The following FANCC variants were observed in gnomAD, a reference collection of about 807,000 sequenced individuals.
FANCC encodes Fanconi anemia group C protein.
FANCC carries 55 observed loss-of-function variants against 71.3 expected under a neutral mutation model. The observed-to-expected ratio is 0.77, with a 90% confidence interval of 0.62 to 0.97. The LOEUF (loss-of-function observed/expected upper bound fraction) is 0.97, where lower values mean the gene tolerates loss of function less well. Among genes scored for constraint, FANCC ranks in the 50% least tolerant of loss-of-function variants. The pLI, the probability that FANCC is intolerant of heterozygous loss-of-function variation, is 0.00. For missense variants in FANCC, 678 were observed against 670.9 expected (o/e 1.01, Z -0.12); for synonymous variants, 275 against 244.9 (o/e 1.12, Z -1.15).
intron 4 of FANCC, among the ~76,000 whole-genome samples, chr9:95,178,570 C>A (rs897947477): frequency 6.6e-6 from 1 of 152,222 alleles, no homozygotes; most frequent in African/African-American, 2.4e-5. Flanking sequence ...GACCTCCATT[C>A]GCACAACCAG....
At chr9:95,110,150 G>A (rs1239644640) in intron 13 of FANCC, 2 of 691,202 alleles carry the variant, frequency 2.9e-6, no homozygotes, top group East Asian at 1.1e-4. Context: ...GGAGAACTAC[G>A]CAAGGGTTTT....
At chr9:95,269,026 T>C (rs1832567386) in intron 1 of FANCC, among the ~76,000 whole-genome samples, 3 of 152,218 alleles carry the variant, frequency 2.0e-5, no homozygotes, top group Admixed American at 2.0e-4. Flanking sequence ...TGTGGAGGGA[T>C]GAACTCCACA....
At chr9:95,236,189 T>C (rs892151909) in intron 4 of FANCC, among the ~76,000 whole-genome samples, 1 of 152,086 alleles carries the variant, frequency 6.6e-6, no homozygotes, top group Non-Finnish European at 1.5e-5. Flanking sequence ...AATCAAAAAA[T>C]AATAGTGGTA....
chr9:95,246,654 G>C (rs1830999254), intron 3 of FANCC, among the ~76,000 whole-genome samples: 1 of 152,184 alleles, frequency 6.6e-6, no homozygotes, highest in South Asian at 2.1e-4. Context: ...AGACAGTGAA[G>C]TAAGTGTATT....
chr9:95,145,797 C>A (rs755465597), intron 7 of FANCC, among the ~76,000 whole-genome samples: 1 of 152,136 alleles, frequency 6.6e-6, no homozygotes, highest in Non-Finnish European at 1.5e-5. Flanking sequence ...TCCAGAGGCA[C>A]GCACCCTTTA....
intron 1 of FANCC, among the ~76,000 whole-genome samples, chr9:95,308,671 G>A (rs900111946): frequency 2.6e-5 from 4 of 152,060 alleles, no homozygotes; most frequent in Admixed American, 6.6e-5. Flanking sequence ...GAGCCACCAC[G>A]CCCGGCCTAG....
At chr9:95,150,629 T>TA (rs1830122904) in intron 6 of FANCC, among the ~76,000 whole-genome samples, 1 of 152,172 alleles carries the variant, frequency 6.6e-6, no homozygotes, top group Non-Finnish European at 1.5e-5. Context: ...AGCACCCCTT[T>TA]AAAAATTCCG....
intron 4 of FANCC, among the ~76,000 whole-genome samples, chr9:95,190,934 G>A (rs997920005): frequency 6.6e-6 from 1 of 151,932 alleles, no homozygotes; most frequent in Non-Finnish European, 1.5e-5. Context: ...GTATAGTCCC[G>A]TGGTTTTGGA....
intron 3 of FANCC, among the ~76,000 whole-genome samples, chr9:95,245,983 G>A (rs912463992): frequency 2.6e-5 from 4 of 152,064 alleles, no homozygotes. Context: ...AACTGCAAGT[G>A]CAGAAAGTCT....
intron 7 of FANCC, among the ~76,000 whole-genome samples, chr9:95,149,564 C>T (rs915838869): frequency 3.3e-5 from 5 of 151,892 alleles, no homozygotes; most frequent in Non-Finnish European, 7.4e-5. Flanking sequence ...CTGCAATCTC[C>T]GCCTCCCAGG....
intron 4 of FANCC, among the ~76,000 whole-genome samples, chr9:95,234,642 G>C (rs1308291427): frequency 6.6e-6 from 1 of 152,142 alleles, no homozygotes; most frequent in Non-Finnish European, 1.5e-5. Flanking sequence ...ATATTTGTCA[G>C]TTATCCAGAG....
chr9:95,306,627 A>C (rs1835082403), intron 1 of FANCC, among the ~76,000 whole-genome samples: 1 of 152,158 alleles, frequency 6.6e-6, no homozygotes, highest in African/African-American at 2.4e-5. Context: ...GTTATTATTT[A>C]AGGCAAATGT....
intron 1 of FANCC, among the ~76,000 whole-genome samples, chr9:95,291,667 G>A (rs955166181): frequency 6.6e-6 from 1 of 152,016 alleles, no homozygotes; most frequent in Non-Finnish European, 1.5e-5. Context: ...TTGTATGGAG[G>A]CTGGGCACAG....
chr9:95,143,861 T>G (rs563449836), intron 7 of FANCC, among the ~76,000 whole-genome samples: 2 of 152,268 alleles, frequency 1.3e-5, no homozygotes, highest in African/African-American at 4.8e-5. Flanking sequence ...ACATGAAAAG[T>G]TGACATTTAG....
rs1440112162 is a variant in FANCC, at chr9:95,110,958, C to T, written c.1329+505G>A. On this transcript the variant is annotated intron_variant, in intron 13 of 14. Coordinates refer to ENST00000289081, the MANE Select transcript of FANCC (RefSeq NM_000136.3). ...TCAGAAGCAAAGTGGTTAATATCATCTGATTACTTTAGTAAGAGATGTAAA... is the reference window on the plus strand; with the variant it reads ...TCAGAAGCAAAGTGGTTAATATCATTTGATTACTTTAGTAAGAGATGTAAA... The T allele has an allele frequency of 2.2e-6, 3 of 1,392,894 alleles. No homozygotes were observed. The African/African-American group carries it at 4.3e-5, about 20-fold the overall frequency. The allele number at this position is 1,392,894 out of a possible 1,614,324, so 86.3% of individuals were successfully genotyped here.
At chr9:95,290,253 C>A (rs954831973) in intron 1 of FANCC, among the ~76,000 whole-genome samples, 2 of 152,082 alleles carry the variant, frequency 1.3e-5, no homozygotes, top group African/African-American at 4.8e-5. Flanking sequence ...CTCTGGGGGA[C>A]CTGAGAAACA....
intron 1 of FANCC, among the ~76,000 whole-genome samples, chr9:95,302,448 G>C (rs750556075): frequency 5.9e-5 from 9 of 152,192 alleles, no homozygotes; most frequent in Non-Finnish European, 1.2e-4. Context: ...GGATTCTTGA[G>C]AACAGTTCCC....
At chr9:95,250,598 T>G (rs1320796017) in intron 1 of FANCC, among the ~76,000 whole-genome samples, 1 of 152,180 alleles carries the variant, frequency 6.6e-6, no homozygotes, top group Non-Finnish European at 1.5e-5. Context: ...AGAGGGAATA[T>G]ATGCAACTGT....
chr9:95,123,768 T>C, intron 10 of FANCC: 1 of 698,942 alleles, frequency 1.4e-6, no homozygotes, highest in Non-Finnish European at 2.7e-6. Flanking sequence ...CACAGCAAAG[T>C]AGTCAGGAAT....
Sources: gnomAD v4.1 joint callset for allele counts (sites outside exome capture counted in the v4.1 genomes callset) on GRCh38, gnomAD v4.1.1 for gene constraint, MANE v1.5 for transcripts, NCBI Gene and HGNC (gene_info 2026-07-23, HGNC 2026-07-21) for gene names.